OR5AR1: variants seen among roughly 807,000 people sequenced by gnomAD.
OR5AR1 encodes the protein olfactory receptor 5AR1.
In OR5AR1, 19 loss-of-function variants were observed where a neutral mutation model predicts 12.3. The observed-to-expected ratio is 1.55, with a 90% confidence interval of 1.08 to 2.27. The LOEUF is 2.27. Among genes scored for constraint, OR5AR1 ranks in the 30% most tolerant of loss-of-function variants. OR5AR1 has a pLI of 0.00. For missense variants in OR5AR1, 432 were observed against 378.4 expected, an observed-to-expected ratio of 1.14 and a Z score of -1.18; for synonymous variants, 156 against 138.8, an observed-to-expected ratio of 1.12 and a Z score of -0.87.
At position 56,664,604 on chromosome 11, in the gene OR5AR1, A is replaced by C. The variant is rs1412652618; in HGVS notation, c.919A>C (p.Lys307Gln). The C allele has an allele frequency of 6.3e-7, 1 of 1,592,728 alleles. No homozygotes were observed. The highest frequency in any genetic ancestry group is 8.6e-7 in the Non-Finnish European group (1 of 1,165,202). ...VKAAFKKLIG[K>Q]KSQ ...AGCTGCTTTCAAAAAGCTAATTGGA[A>C]AAAAATCTCAATAATAACACAAAAT... The change falls in exon 1 of 1, where the codon AAA becomes CAA. Residue 307 changes from lysine to glutamine, a missense_variant. Transcript: ENST00000624596.
In OR5AR1 at chr11:56,663,986, T is replaced by C. The variant is rs1215848492; in HGVS notation, c.301T>C (p.Phe101Leu). The C allele has an allele frequency of 6.2e-7, 1 of 1,613,882 alleles. No homozygotes were observed. Among genetic ancestry groups the C allele is most frequent in the Non-Finnish European group, 8.5e-7 (1 of 1,180,000 alleles). ...CTCCTTCTCCAGCTGTGCCACCCAG[T>C]TTGCTTTTTTTGTAGGTTTTGTGGA... ...VISFSSCATQ[F>L]AFFVGFVDAE... The change falls in exon 1 of 1, where the codon TTT becomes CTT. Residue 101 changes from phenylalanine to leucine, a missense_variant. By Grantham distance (22) the Phe-to-Leu change is conservative. Transcript: ENST00000624596.
Position 56,664,251 on chromosome 11 carries a change from G to A in OR5AR1, c.566G>A (p.Cys189Tyr). Residue 189 changes from cysteine (C) to tyrosine (Y), a missense_variant, in exon 1 of 1, where the codon TGC (cysteine) becomes TAC (tyrosine). Coordinates refer to ENST00000624596, the MANE Select transcript of OR5AR1 (RefSeq NM_001004730.1). ...ATCCCACCACTCTTGGCCCTCTCTT[G>A]CTCAGACACCTACATCAGTGAGATC... ...CEIPPLLALS[C>Y]SDTYISEILL... 1 of 1,614,008 alleles carries A rather than the reference G, an allele frequency of 6.2e-7. No homozygotes were observed. The highest frequency in any genetic ancestry group is 8.5e-7 in the Non-Finnish European group (1 of 1,179,994).
chr11:56,664,200 A>T lies in OR5AR1; in HGVS notation c.515A>T (p.Asn172Ile). The T allele has an allele frequency of 1.9e-6, 3 of 1,613,974 alleles. No homozygotes were observed. Among genetic ancestry groups the T allele is most frequent in the African/African-American group, 2.7e-5 (2 of 74,972 alleles). Residue 172 changes from asparagine to isoleucine, a missense_variant, in exon 1 of 1, where the codon AAT (asparagine) becomes ATT (isoleucine). By Grantham distance (149) the Asn-to-Ile change is moderately radical. Transcript: ENST00000624596. The stretch of plus-strand genomic sequence containing the variant: ...TTCAGCCTGAGTTACTGTGGTTCCA[A>T]TATCATCAATCATTTCTTCTGCGAA... Reference protein sequence around the residue: ...LTFSLSYCGSNIINHFFCEIP... With the variant: ...LTFSLSYCGSIIINHFFCEIP...
Position 56,663,998 on chromosome 11 carries a change from G to C in OR5AR1, c.313G>C (p.Val105Leu). The C allele has an allele frequency of 6.2e-7, 1 of 1,613,894 alleles. No homozygotes were observed. The highest frequency in any genetic ancestry group is 8.5e-7 in the Non-Finnish European group (1 of 1,179,948). ...CTGTGCCACCCAGTTTGCTTTTTTT[G>C]TAGGTTTTGTGGATGCTGAGTGCTA... ...SSCATQFAFF[V>L]GFVDAECYVL... The change falls in exon 1 of 1, where the codon GTA becomes CTA. Residue 105 changes from valine (V) to leucine (L), a missense_variant. By Grantham distance (32) the Val-to-Leu change is conservative. Transcript: ENST00000624596.
In OR5AR1 at chr11:56,663,983, C is replaced by T. The variant is rs368554217; in HGVS notation, c.298C>T (p.Gln100Ter). ...TATCTCCTTCTCCAGCTGTGCCACC[C>T]AGTTTGCTTTTTTTGTAGGTTTTGT... ...KVISFSSCAT[Q>*]FAFFVGFVDA... Residue 100 changes from glutamine to a stop codon, truncating the protein, a stop_gained, in exon 1 of 1, where the codon CAG becomes TAG. Coordinates refer to ENST00000624596, the MANE Select transcript of OR5AR1 (RefSeq NM_001004730.1). LOFTEE classifies it high-confidence loss of function. 109 of 1,614,094 alleles carry T rather than the reference C, an allele frequency of 6.8e-5. No individual in the cohort carries two copies. The highest frequency in any genetic ancestry group is 4.9e-4 in the Middle Eastern group (3 of 6,062).
Position 56,664,441 on chromosome 11 carries a change from T to C in OR5AR1, c.756T>C (p.Tyr252=), listed in dbSNP as rs751503257. The change falls in exon 1 of 1, where the codon TAT becomes TAC. Residue 252 remains tyrosine, a synonymous_variant. Coordinates refer to ENST00000624596, the MANE Select transcript of OR5AR1 (RefSeq NM_001004730.1). ...ACCTTACTGGCATCACCCTCTTCTATGGCACAGTCATGTTTATGTACCTGA... is the reference window on the plus strand; with the variant it reads ...ACCTTACTGGCATCACCCTCTTCTACGGCACAGTCATGTTTATGTACCTGA... The part of the protein sequence containing the change: ...GSHLTGITLF[Y]GTVMFMYLRP... 7 of 1,614,164 alleles carry C rather than the reference T, an allele frequency of 4.3e-6. No homozygotes were observed. The highest frequency in any genetic ancestry group is 1.3e-5 in the African/African-American group (1 of 75,060).
chr11:56,664,124 G>C lies in OR5AR1; in HGVS notation c.439G>C (p.Gly147Arg), dbSNP rs1387699709. ...GCAGGTCTGCTTGGCTCTCATGCTGGGCTCTTACCTGGCTGGTCTAGTGAG... is the reference window on the plus strand; with the variant it reads ...GCAGGTCTGCTTGGCTCTCATGCTGCGCTCTTACCTGGCTGGTCTAGTGAG... ...SKQVCLALML[G>R]SYLAGLVSLV... is the part of the protein sequence containing the mutation. The change falls in exon 1 of 1, where the codon GGC becomes CGC. Residue 147 changes from glycine to arginine, a missense_variant. Physicochemically the swap from Gly to Arg is moderately radical, Grantham distance 125 (BLOSUM62 -2). Transcript: ENST00000624596. 1 of 1,613,900 alleles carries C rather than the reference G, an allele frequency of 6.2e-7. No homozygotes were observed. The highest frequency in any genetic ancestry group is 1.1e-5 in the South Asian group (1 of 91,070).
Position 56,664,344 on chromosome 11 carries a change from T to C in OR5AR1, c.659T>C (p.Phe220Ser). 1 of 1,614,120 alleles carries C rather than the reference T, an allele frequency of 6.2e-7. No individual in the cohort carries two copies. The highest frequency in any genetic ancestry group is 8.5e-7 in the Non-Finnish European group (1 of 1,180,026). Residue 220 changes from phenylalanine (F) to serine (S), a missense_variant, in exon 1 of 1, where the codon TTT becomes TCT. Physicochemically the swap from Phe to Ser is radical, Grantham distance 155. Coordinates refer to ENST00000624596, the MANE Select transcript of OR5AR1 (RefSeq NM_001004730.1). The part of the protein sequence containing the change: ...TILIIFISYT[F>S]ILVAIIRMRS... ...CTCATCATCTTCATCTCCTATACCT[T>C]TATCCTTGTTGCAATCATCAGAATG...
chr11:56,664,028 C>T lies in OR5AR1; in HGVS notation c.343C>T (p.Leu115=). ...VGFVDAECYV[L]AAMAYGRFVA... ...TTTTGTGGATGCTGAGTGCTATGTC[C>T]TGGCAGCCATGGCCTATGGTCGTTT... Residue 115 remains leucine, a synonymous_variant, in exon 1 of 1, where the codon CTG becomes TTG. Coordinates refer to ENST00000624596, the MANE Select transcript of OR5AR1 (RefSeq NM_001004730.1). The T allele has an allele frequency of 4.3e-6, 7 of 1,613,978 alleles. No individual in the cohort carries two copies. Among genetic ancestry groups the T allele is most frequent in the Non-Finnish European group, 5.9e-6 (7 of 1,179,960 alleles).
Position 56,663,860 on chromosome 11 carries a change from A to G in OR5AR1, c.175A>G (p.Met59Val), listed in dbSNP as rs1857210322. 3 of 1,613,930 alleles carry G rather than the reference A, an allele frequency of 1.9e-6. No individual in the cohort carries two copies. The highest frequency in any genetic ancestry group is 1.3e-5 in the African/African-American group (1 of 74,898). ...AACAGACACTCAGCTTCACACACCC[A>G]TGTATTTTTTCCTCTGCAACCTCTC... Reference protein sequence around the residue: ...ITTDTQLHTPMYFFLCNLSFV... With the variant: ...ITTDTQLHTPVYFFLCNLSFV... Residue 59 changes from methionine (M) to valine (V), a missense_variant, in exon 1 of 1, where the codon ATG becomes GTG. Met to Val is a conservative substitution (Grantham distance 21, BLOSUM62 1). Transcript: ENST00000624596.
In OR5AR1 at chr11:56,664,394, G is replaced by A; in HGVS notation, c.709G>A (p.Ala237Thr). The A allele has an allele frequency of 1.2e-6, 2 of 1,613,986 alleles. No homozygotes were observed. Among genetic ancestry groups the A allele is most frequent in the Non-Finnish European group, 1.7e-6 (2 of 1,180,002 alleles). ...RMRSAEGRLK[A>T]FSTCGSHLTG... ...GCGTTCAGCTGAAGGCCGCCTTAAG[G>A]CTTTCTCCACCTGCGGGTCTCACCT... is the stretch of plus-strand genomic sequence containing the variant. Residue 237 changes from alanine to threonine, a missense_variant, in exon 1 of 1, where the codon GCT becomes ACT. Ala to Thr is a moderately conservative substitution (Grantham distance 58). Transcript: ENST00000624596.
rs774030388 is a variant in OR5AR1, at chr11:56,664,594, G to A, written c.909G>A (p.Lys303=). The change falls in exon 1 of 1, where the codon AAG becomes AAA. Residue 303 remains lysine, a synonymous_variant. Transcript: ENST00000624596. ...RNKDVKAAFK[K]LIGKKSQ ...AGGATGTGAAAGCTGCTTTCAAAAA[G>A]CTAATTGGAAAAAAATCTCAATAAT... 6.3e-7 allele frequency: 1 copy of A among 1,594,592 alleles called. No homozygotes were observed. The highest frequency in any genetic ancestry group is 8.6e-7 in the Non-Finnish European group (1 of 1,168,614).
In OR5AR1 at chr11:56,664,125, G is replaced by T. The variant is rs1301206002; in HGVS notation, c.440G>T (p.Gly147Val). The T allele has an allele frequency of 6.2e-7, 1 of 1,613,914 alleles. No homozygotes were observed. The change falls in exon 1 of 1, where the codon GGC (glycine) becomes GTC (valine). Residue 147 changes from glycine (G) to valine (V), a missense_variant. By Grantham distance (109) the Gly-to-Val change is moderately radical (BLOSUM62 -3). Transcript: ENST00000624596. ...CAGGTCTGCTTGGCTCTCATGCTGG[G>T]CTCTTACCTGGCTGGTCTAGTGAGT... ...SKQVCLALMLGSYLAGLVSLV... is the reference protein window; with the variant it reads ...SKQVCLALMLVSYLAGLVSLV...
rs973152274 is a variant in OR5AR1 at position 56,664,427 on chromosome 11, A to G, written c.742A>G (p.Ile248Val). Residue 248 changes from isoleucine to valine, a missense_variant, in exon 1 of 1, where the codon ATC becomes GTC. By Grantham distance (29) the Ile-to-Val change is conservative. Transcript: ENST00000624596. ...CACCTGCGGGTCTCACCTTACTGGC[A>G]TCACCCTCTTCTATGGCACAGTCAT... is the stretch of plus-strand genomic sequence containing the variant. ...FSTCGSHLTG[I>V]TLFYGTVMFM... is the part of the protein sequence containing the mutation. The G allele has an allele frequency of 5.6e-6, 9 of 1,614,132 alleles. No individual in the cohort carries two copies. The Middle Eastern group carries it at 4.9e-4, about 89-fold the overall frequency.
Position 56,664,568 on chromosome 11 carries a change from A to C in OR5AR1, c.883A>C (p.Lys295Gln). Reference protein sequence around the residue: ...LNPLIYSLRNKDVKAAFKKLI... With the variant: ...LNPLIYSLRNQDVKAAFKKLI... ...TCCCTTGATCTACAGTTTGCGGAAC[A>C]AGGATGTGAAAGCTGCTTTCAAAAA... is the stretch of plus-strand genomic sequence containing the variant. The change falls in exon 1 of 1, where the codon AAG (lysine) becomes CAG (glutamine). Residue 295 changes from lysine to glutamine, a missense_variant. Coordinates refer to ENST00000624596, the MANE Select transcript of OR5AR1 (RefSeq NM_001004730.1). 6.2e-7 allele frequency: 1 copy of C among 1,604,658 alleles called. No individual in the cohort carries two copies. The highest frequency in any genetic ancestry group is 8.5e-7 in the Non-Finnish European group (1 of 1,175,836).
rs748780736 is a variant in OR5AR1 at position 56,663,990 on chromosome 11, C to CT, written c.312dup (p.Val105CysfsTer7). On this transcript the variant is annotated frameshift_variant, in exon 1 of 1. Coordinates refer to ENST00000624596, the MANE Select transcript of OR5AR1 (RefSeq NM_001004730.1). LOFTEE classifies it high-confidence loss of function. Reference sequence around the variant, plus strand: ...TTCTCCAGCTGTGCCACCCAGTTTGCTTTTTTTGTAGGTTTTGTGGATGCT... The same window carrying CT: ...TTCTCCAGCTGTGCCACCCAGTTTGCTTTTTTTTGTAGGTTTTGTGGATGCT... The CT allele has an allele frequency of 2.2e-5, 36 of 1,613,850 alleles. No individual in the cohort carries two copies. The highest frequency in any genetic ancestry group is 3.0e-5 in the Non-Finnish European group (35 of 1,179,984).
chr11:56,664,613 CAAT>C (rs921472823), exon 1 of OR5AR1: 2 of 1,580,214 alleles, frequency 1.3e-6, no homozygotes, highest in Admixed American at 3.5e-5. Flanking sequence ...AAAAAAATCT[CAAT>C]AATAACACAA....
In OR5AR1 at chr11:56,664,279, G is replaced by A; in HGVS notation, c.594G>A (p.Leu198=). ...SCSDTYISEI[L]LFSLCGFIEF... ...CAGACACCTACATCAGTGAGATCTT[G>A]CTCTTCAGTCTGTGTGGCTTCATTG... Residue 198 remains leucine (L), a synonymous_variant, in exon 1 of 1, where the codon TTG becomes TTA. Transcript: ENST00000624596. 1 of 1,614,058 alleles carries A rather than the reference G, an allele frequency of 6.2e-7. No homozygotes were observed.
Position 56,664,449 on chromosome 11 carries a change from T to C in OR5AR1, c.764T>C (p.Val255Ala). The change falls in exon 1 of 1, where the codon GTC becomes GCC. Residue 255 changes from valine to alanine, a missense_variant. Transcript: ENST00000624596. ...LTGITLFYGT[V>A]MFMYLRPTSS... ...GGCATCACCCTCTTCTATGGCACAG[T>C]CATGTTTATGTACCTGAGGCCAACA... The C allele has an allele frequency of 1.2e-6, 2 of 1,614,140 alleles. No individual in the cohort carries two copies. The highest frequency in any genetic ancestry group is 1.7e-6 in the Non-Finnish European group (2 of 1,180,016).
Sources: allele counts gnomAD v4.1 joint callset, GRCh38; gene constraint gnomAD v4.1.1; transcripts MANE v1.5; gene names NCBI Gene and HGNC (gene_info 2026-07-23, HGNC 2026-07-21).